Variants in EXO1 observed in about 807,000 individuals in gnomAD.
The protein encoded by EXO1 is exonuclease 1.
A neutral mutation model predicts 84.5 loss-of-function variants in EXO1; 69 were observed. The ratio of observed to expected loss-of-function variants is 0.82; its 90% CI spans 0.67 to 1.00. EXO1 has a LOEUF of 1.00. Among genes scored for constraint, EXO1 ranks in the 50% least tolerant of loss-of-function variants. The pLI is 0.00. For missense variants in EXO1, 1,045 were observed against 1,000.7 expected, an observed-to-expected ratio of 1.04 and a Z score of -0.60; for synonymous variants, 373 against 366.1, an observed-to-expected ratio of 1.02 and a Z score of -0.21.
intron 6 of EXO1, among the ~76,000 whole-genome samples, chr1:241,856,678 C>A (rs531898952): frequency 3.9e-5 from 6 of 152,074 alleles, no homozygotes; most frequent in Non-Finnish European, 8.8e-5. Flanking sequence ...ATTCAAAACT[C>A]CAAACAAATG....
intron 12 of EXO1, among the ~76,000 whole-genome samples, chr1:241,876,768 A>G (rs1432471034): frequency 6.6e-6 from 1 of 152,334 alleles, no homozygotes; most frequent in East Asian, 1.9e-4. Context: ...TCAAAGTTGT[A>G]CAGTTAGTAC....
Position 241,889,662 on chromosome 1 carries a change from G to A in EXO1, c.*62G>A. On this transcript the variant is annotated 3_prime_UTR_variant, in exon 16 of 16. Coordinates refer to ENST00000366548, the MANE Select transcript of EXO1 (RefSeq NM_130398.4). Reference sequence around the variant, plus strand: ...TCTGATCAATTTGAAGTCCCTGTTTGGGAATGAGGCACTTATCAGCATGAA... The same window carrying A: ...TCTGATCAATTTGAAGTCCCTGTTTAGGAATGAGGCACTTATCAGCATGAA... The A allele has an allele frequency of 6.6e-7, 1 of 1,523,324 alleles. No homozygotes were observed. The highest frequency in any genetic ancestry group is 9.1e-7 in the Non-Finnish European group (1 of 1,098,256). The allele number at this position is 1,523,324 out of a possible 1,614,324, so 94.4% of individuals were successfully genotyped here.
At chr1:241,885,052 A>T (rs1439708215) in intron 14 of EXO1, among the ~76,000 whole-genome samples, 1 of 151,814 alleles carries the variant, frequency 6.6e-6, no homozygotes, top group Non-Finnish European at 1.5e-5. Flanking sequence ...CTAAAAATAT[A>T]AAAAATTAGC....
intron 14 of EXO1, among the ~76,000 whole-genome samples, chr1:241,882,759 T>TA (rs1388248688): frequency 6.6e-6 from 1 of 152,122 alleles, no homozygotes; most frequent in Non-Finnish European, 1.5e-5. Context: ...TAGTGCAAAT[T>TA]AAAATAATAA....
At chr1:241,877,830 G>A (rs1662483627) in intron 12 of EXO1, among the ~76,000 whole-genome samples, 1 of 152,026 alleles carries the variant, frequency 6.6e-6, no homozygotes, top group Non-Finnish European at 1.5e-5. Context: ...GAGTATAGAA[G>A]TTTATAGGGT....
chr1:241,882,034 A>T lies in EXO1; in HGVS notation c.2211+17A>T, dbSNP rs41308188. On this transcript the variant is annotated intron_variant, in intron 14 of 15. Coordinates refer to ENST00000366548, the MANE Select transcript of EXO1 (RefSeq NM_130398.4). ...AGGAACAAGGTAAAACATTTATTTA[A>T]TTTTTTTTTTAATTTCAGAAGCGGT... 2.9e-3 allele frequency: 3,516 copies of T among 1,229,804 alleles called. 8 individuals carry two copies. The highest frequency in any genetic ancestry group is 3.8e-3 in the Non-Finnish European group (3,219 of 846,016). The allele number at this position is 1,229,804 out of a possible 1,614,324, so 76.2% of individuals were successfully genotyped here.
At chr1:241,881,100 T>C (rs1662722349) in intron 13 of EXO1, among the ~76,000 whole-genome samples, 1 of 152,176 alleles carries the variant, frequency 6.6e-6, no homozygotes, top group African/African-American at 2.4e-5. Context: ...CAATCTCGGC[T>C]CACTGCAACC....
At position 241,852,310 on chromosome 1, in the gene EXO1, G is replaced by T; in HGVS notation, c.180G>T (p.Met60Ile). ...EPTDRYVGFC[M>I]KFVNMLLSHG... ...TCCATAGGTATGTAGGATTTTGTAT[G>T]AAATTTGTAAATATGTTACTATCTC... is the stretch of plus-strand genomic sequence containing the variant. Residue 60 changes from methionine (M) to isoleucine (I), a missense_variant, in exon 5 of 16, where the codon ATG becomes ATT. Transcript: ENST00000366548. 6.2e-7 allele frequency: 1 copy of T among 1,602,304 alleles called. No homozygotes were observed. The highest frequency in any genetic ancestry group is 8.5e-7 in the Non-Finnish European group (1 of 1,170,276).
At chr1:241,865,213 C>G (rs1234701801) in intron 10 of EXO1, among the ~76,000 whole-genome samples, 1 of 147,140 alleles carries the variant, frequency 6.8e-6, no homozygotes, top group Non-Finnish European at 1.5e-5. Flanking sequence ...ACTTGAATAT[C>G]TCTTTTTTTT....
At chr1:241,868,712 A>G (rs765260550) in intron 11 of EXO1, among the ~76,000 whole-genome samples, 14 of 152,296 alleles carry the variant, frequency 9.2e-5, no homozygotes, top group Admixed American at 2.0e-4. Context: ...AAATCCATAC[A>G]TCAATTTGGA....
intron 12 of EXO1, among the ~76,000 whole-genome samples, chr1:241,877,853 G>A (rs1014472446): frequency 6.6e-6 from 1 of 151,982 alleles, no homozygotes; most frequent in Non-Finnish European, 1.5e-5. Flanking sequence ...ATAACAAGCT[G>A]GTAGATTAGT....
intron 12 of EXO1, 29 bp from the exon 13 acceptor site, chr1:241,878,720 C>T (rs755119628): frequency 5.7e-6 from 8 of 1,394,168 alleles, no homozygotes; most frequent in Admixed American, 1.8e-5. Context: ...CTCATACTTA[C>T]TTATTGTTTC....
In EXO1 at chr1:241,872,286, T is replaced by C; in HGVS notation, c.1514+8T>C. On this transcript the variant is annotated splice_region_variant and intron_variant, in intron 12 of 15. Coordinates refer to ENST00000366548, the MANE Select transcript of EXO1 (RefSeq NM_130398.4). The stretch of plus-strand genomic sequence containing the variant: ...TCCAGGGACCAGAAGCAGGTATAGT[T>C]ATGTCTCCAGAATGTTGATTGTCTG... The C allele has an allele frequency of 1.2e-6, 2 of 1,613,590 alleles. No individual in the cohort carries two copies. Among genetic ancestry groups the C allele is most frequent in the Non-Finnish European group, 1.7e-6 (2 of 1,179,528 alleles).
intron 10 of EXO1, among the ~76,000 whole-genome samples, chr1:241,864,173 G>A (rs1661571674): frequency 6.6e-6 from 1 of 152,210 alleles, no homozygotes; most frequent in African/African-American, 2.4e-5. Flanking sequence ...GGCTTATGAT[G>A]TTGGACTTCA....
chr1:241,878,919 A>G lies in EXO1; in HGVS notation c.1685A>G (p.Asp562Gly), dbSNP rs1662567444. The G allele has an allele frequency of 6.2e-7, 1 of 1,614,228 alleles. No homozygotes were observed. Among genetic ancestry groups the G allele is most frequent in the Non-Finnish European group, 8.5e-7 (1 of 1,180,038 alleles). Residue 562 changes from aspartate to glycine, a missense_variant, in exon 13 of 16, where the codon GAC (aspartate) becomes GGC (glycine). Coordinates refer to ENST00000366548, the MANE Select transcript of EXO1 (RefSeq NM_130398.4). ...GATGTAGCACGTAATTCAAGTGATG[A>G]CATTCCGAATAATCATATTCCAGGT... ...DTDVARNSSD[D>G]IPNNHIPGDH...
At position 241,857,361 on chromosome 1, in the gene EXO1, G is replaced by C. The variant is rs904005495; in HGVS notation, c.422G>C (p.Gly141Ala). ...CTCTTCTAGGCTGCCCGGTCTCAGGGGGTAGATTGCCTCGTGGCTCCCTAT... is the reference window on the plus strand; with the variant it reads ...CTCTTCTAGGCTGCCCGGTCTCAGGCGGTAGATTGCCTCGTGGCTCCCTAT... ...HKVIKAARSQ[G>A]VDCLVAPYEA... The change falls in exon 7 of 16, where the codon GGG becomes GCG. Residue 141 changes from glycine (G) to alanine (A), a missense_variant. Physicochemically the swap from Gly to Ala is moderately conservative, Grantham distance 60. Transcript: ENST00000366548. 2.5e-6 allele frequency: 4 copies of C among 1,613,752 alleles called. No individual in the cohort carries two copies. In the Admixed American group the frequency reaches 6.7e-5, roughly 27 times the overall value.
rs184308715 is a variant in EXO1, at chr1:241,883,822, A to G, written c.2212-1492A>G. Among the ~76,000 whole-genome samples the G allele has an allele frequency of 5.9e-5, 9 of 152,322 alleles. No homozygotes were observed. The South Asian group carries it at 8.3e-4, about 14-fold the overall frequency. On this transcript the variant is annotated intron_variant, in intron 14 of 15. Coordinates refer to ENST00000366548, the MANE Select transcript of EXO1 (RefSeq NM_130398.4). ...ATCCTATTAAGAAGTCTGGAAAGATACATGCAGAATTATTTACAATGATGG... is the reference window on the plus strand; with the variant it reads ...ATCCTATTAAGAAGTCTGGAAAGATGCATGCAGAATTATTTACAATGATGG...
intron 12 of EXO1, among the ~76,000 whole-genome samples, chr1:241,874,944 C>G (rs866792448): frequency 1.3e-5 from 2 of 152,178 alleles, no homozygotes; most frequent in Non-Finnish European, 2.9e-5. Context: ...TTACCAGCTC[C>G]TGTATTCCAC....
chr1:241,866,777 AT>A, intron 10 of EXO1, 52 bp from the exon 11 acceptor site: 1 of 1,306,914 alleles, frequency 7.7e-7, no homozygotes, highest in South Asian at 1.2e-5. Context: ...ACAGAAGGAA[AT>A]AAATTGATTA....
Sources: allele counts gnomAD v4.1 joint callset (sites outside exome capture counted in the v4.1 genomes callset), GRCh38; gene constraint gnomAD v4.1.1; transcripts MANE v1.5; gene names NCBI Gene and HGNC (gene_info 2026-07-23, HGNC 2026-07-21).